Variants in ANKRD31 observed in about 807,000 individuals in gnomAD.
ANKRD31 encodes the protein ankyrin repeat domain 31, also known as ankyrin repeat domain-containing protein 31.
Under a neutral mutation model 186.0 loss-of-function variants are expected in ANKRD31, and 147 were observed. The ratio of observed to expected loss-of-function variants is 0.79; its 90% confidence interval spans 0.69 to 0.91. ANKRD31 has a LOEUF of 0.91. ANKRD31 is among the 40% of genes least tolerant of loss of function. The pLI is 0.00. For missense variants in ANKRD31, 1,986 were observed against 2,148.8 expected (o/e 0.92, Z 1.50); for synonymous variants, 673 against 736.4 (o/e 0.91, Z 1.39).
chr5:75,170,320 CAAAG>C lies in ANKRD31; in HGVS notation c.1565-1203_1565-1200del, dbSNP rs1248302769. Reference sequence around the variant, plus strand: ...TAACTATGAAAAAATACTGCAAAGACAAAGAAAGAAACAAAATACAGATTAAGCA... The same window carrying C: ...TAACTATGAAAAAATACTGCAAAGACAAAGAAACAAAATACAGATTAAGCA... On this transcript the variant is annotated intron_variant, in intron 10 of 25. Transcript: ENST00000506364. 5.9e-5 allele frequency among the ~76,000 whole-genome samples: 9 copies of C among 152,004 alleles called. No homozygotes were observed. In the South Asian group the frequency reaches 6.2e-4, roughly 11 times the overall value.
At chr5:75,102,863 G>A (rs113021945) in intron 22 of ANKRD31, among the ~76,000 whole-genome samples, 38 of 152,232 alleles carry the variant, frequency 2.5e-4, no homozygotes, top group South Asian at 6.2e-4. Context: ...GGGAATTCCC[G>A]GACCCCTTGC....
chr5:75,088,452 C>G (rs1320913277), intron 23 of ANKRD31, among the ~76,000 whole-genome samples: 2 of 152,202 alleles, frequency 1.3e-5, no homozygotes, highest in Non-Finnish European at 2.9e-5. Context: ...AATAAACCAT[C>G]ATTTCCATTC....
chr5:75,161,737 T>A (rs1752583378), intron 11 of ANKRD31, among the ~76,000 whole-genome samples: 1 of 152,180 alleles, frequency 6.6e-6, no homozygotes, highest in Non-Finnish European at 1.5e-5. Flanking sequence ...CGATGCTGTG[T>A]ACAACCTAGG....
chr5:75,156,511 T>C (rs1003846239), intron 11 of ANKRD31, among the ~76,000 whole-genome samples: 3 of 152,200 alleles, frequency 2.0e-5, no homozygotes, highest in Non-Finnish European at 2.9e-5. Context: ...CACCAAAAGA[T>C]ATCCATGTCT....
chr5:75,225,961 A>G (rs1456900934), intron 2 of ANKRD31, among the ~76,000 whole-genome samples: 2 of 152,162 alleles, frequency 1.3e-5, no homozygotes, highest in African/African-American at 4.8e-5. Flanking sequence ...ACCTGATAGC[A>G]TTCACCACAA....
chr5:75,118,427 T>G, intron 17 of ANKRD31, 130 bp from the exon 18 acceptor site: 3 of 934,300 alleles, frequency 3.2e-6, no homozygotes, highest in Non-Finnish European at 4.5e-6. Context: ...TCAAGAAAAT[T>G]TTTTATTAAA....
chr5:75,139,010 A>G, intron 15 of ANKRD31, 27 bp from the exon 16 acceptor site: 3 of 1,534,520 alleles, frequency 2.0e-6, no homozygotes, highest in Non-Finnish European at 1.7e-6. Context: ...CAAGAGGTTT[A>G]TTTTCTGCCA....
At chr5:75,221,953 T>A (rs1240163638) in intron 3 of ANKRD31, among the ~76,000 whole-genome samples, 3 of 152,192 alleles carry the variant, frequency 2.0e-5, no homozygotes, top group Non-Finnish European at 4.4e-5. Context: ...AGTAGTTAAG[T>A]TTTGGGAGAG....
intron 22 of ANKRD31, among the ~76,000 whole-genome samples, chr5:75,092,125 T>C (rs1191575647): frequency 6.6e-6 from 1 of 152,032 alleles, no homozygotes; most frequent in Admixed American, 6.6e-5. Flanking sequence ...AACAGATAGC[T>C]CCTAATCTCC....
chr5:75,140,203 CAAA>C (rs1374964570), intron 15 of ANKRD31, among the ~76,000 whole-genome samples: 4 of 129,670 alleles, frequency 3.1e-5, no homozygotes, highest in African/African-American at 1.1e-4. Context: ...CACTCCGTCT[CAAA>C]AAAAAGAAAA....
In ANKRD31 at chr5:75,123,361, C is replaced by T. The variant is rs140499061; in HGVS notation, c.3877-5064G>A. On this transcript the variant is annotated intron_variant, in intron 17 of 25. Coordinates refer to ENST00000506364, the MANE Select transcript of ANKRD31 (RefSeq NM_001372053.1). ...AATTAATATAATTAAAATGAGAATA[C>T]TTCCAAAACAATATACAGATTCAAT... Among the ~76,000 whole-genome samples the T allele has an allele frequency of 8.9e-4, 135 of 152,036 alleles. 4 individuals carry two copies. The East Asian group carries it at 0.02, about 22-fold the overall frequency.
intron 11 of ANKRD31, among the ~76,000 whole-genome samples, chr5:75,163,798 T>A (rs1752736318): frequency 6.6e-6 from 1 of 152,202 alleles, no homozygotes; most frequent in African/African-American, 2.4e-5. Flanking sequence ...GAAGTGTATT[T>A]CCTTAAGGGG....
At chr5:75,236,504 C>A (rs929191688) in intron 1 of ANKRD31, 79 bp downstream of exon 1, 3 of 1,219,426 alleles carry the variant, frequency 2.5e-6, no homozygotes, top group South Asian at 2.8e-5. Flanking sequence ...GATCTCCACT[C>A]AAAACTCTGA....
chr5:75,143,526 A>G (rs912804696), intron 15 of ANKRD31, among the ~76,000 whole-genome samples: 1 of 152,140 alleles, frequency 6.6e-6, no homozygotes, highest in Non-Finnish European at 1.5e-5. Context: ...TTTAACCTGA[A>G]GTGGTCCAGC....
At chr5:75,114,806 C>T (rs1180099813) in intron 19 of ANKRD31, among the ~76,000 whole-genome samples, 1 of 152,114 alleles carries the variant, frequency 6.6e-6, no homozygotes, top group Non-Finnish European at 1.5e-5. Flanking sequence ...TAGGAAGAAT[C>T]AATATTGTGA....
chr5:75,137,801 C>G, intron 17 of ANKRD31, 55 bp downstream of exon 17: 9 of 1,310,276 alleles, frequency 6.9e-6, no homozygotes, highest in Non-Finnish European at 7.8e-6. Context: ...TCTTCATTTT[C>G]TTCATTCATT....
chr5:75,202,846 A>C (rs1197129369), intron 5 of ANKRD31, among the ~76,000 whole-genome samples: 3 of 152,266 alleles, frequency 2.0e-5, no homozygotes, highest in Non-Finnish European at 2.9e-5. Flanking sequence ...GAAGTGCCAG[A>C]ATGGAAGAGA....
chr5:75,140,926 A>G (rs1026842452), intron 15 of ANKRD31, among the ~76,000 whole-genome samples: 4 of 152,204 alleles, frequency 2.6e-5, no homozygotes, highest in African/African-American at 9.6e-5. Context: ...CAATTCTGTT[A>G]GAGGTCCCAA....
At chr5:75,106,232 T>C (rs1406886759) in intron 21 of ANKRD31, among the ~76,000 whole-genome samples, 6 of 152,088 alleles carry the variant, frequency 3.9e-5, no homozygotes, top group Admixed American at 6.6e-5. Context: ...CTTACTATTA[T>C]TATTAAAAAA....
Sources: allele counts gnomAD v4.1 joint callset (sites outside exome capture counted in the v4.1 genomes callset), GRCh38; gene constraint gnomAD v4.1.1; transcripts MANE v1.5; gene names NCBI Gene and HGNC (gene_info 2026-07-23, HGNC 2026-07-21).